Variants in BICC1 observed in about 807,000 individuals in gnomAD.
The protein encoded by BICC1 is BicC family RNA binding protein 1.
Under a neutral mutation model 111.0 loss-of-function variants are expected in BICC1, and 43 were observed. The ratio of observed to expected loss-of-function variants is 0.39; its 90% CI spans 0.30 to 0.50. The LOEUF (loss-of-function observed/expected upper bound fraction) is 0.50. BICC1 is among the 20% of genes least tolerant of loss of function. The pLI is 0.88. For missense variants in BICC1, 1,091 were observed against 1,203.2 expected (o/e 0.91, Z 1.38); for synonymous variants, 467 against 434.4 (o/e 1.07, Z -0.93).
At chr10:58,697,142 G>A (rs956978431) in intron 2 of BICC1, among the ~76,000 whole-genome samples, 3 of 152,178 alleles carry the variant, frequency 2.0e-5, no homozygotes, top group Non-Finnish European at 4.4e-5. Context: ...AGAATGATCC[G>A]CTTAATTGAA....
intron 2 of BICC1, among the ~76,000 whole-genome samples, chr10:58,655,848 A>G (rs1588979425): frequency 6.7e-6 from 1 of 149,152 alleles, no homozygotes; most frequent in Non-Finnish European, 1.5e-5. Context: ...ATTATTTTGA[A>G]ATATGTCCCA....
chr10:58,512,865 C>G (rs1478725336), upstream of BICC1, among the ~76,000 whole-genome samples: 1 of 148,030 alleles, frequency 6.8e-6, no homozygotes, highest in Non-Finnish European at 1.5e-5. Flanking sequence ...GGCAGCGCGG[C>G]GCGCTCATTC....
chr10:58,790,935 G>A (rs1305255208), intron 8 of BICC1, among the ~76,000 whole-genome samples: 1 of 152,232 alleles, frequency 6.6e-6, no homozygotes, highest in East Asian at 1.9e-4. Flanking sequence ...CTCTCATTCA[G>A]TGCTTGACCT....
At chr10:58,555,454 A>G (rs757274768) in intron 1 of BICC1, among the ~76,000 whole-genome samples, 6 of 151,958 alleles carry the variant, frequency 3.9e-5, no homozygotes, top group Non-Finnish European at 7.4e-5. Flanking sequence ...AAAAACATCA[A>G]TATAAATAGG....
At chr10:58,815,685 C>T (rs1844064997) in intron 18 of BICC1, among the ~76,000 whole-genome samples, 2 of 150,490 alleles carry the variant, frequency 1.3e-5, no homozygotes, top group Admixed American at 6.6e-5. Flanking sequence ...ATAGAAACTA[C>T]AAGTAGTTAA....
intron 1 of BICC1, among the ~76,000 whole-genome samples, chr10:58,608,265 A>G (rs1260801175): frequency 1.3e-5 from 2 of 152,128 alleles, no homozygotes; most frequent in Non-Finnish European, 2.9e-5. Flanking sequence ...CTGTGTGAAG[A>G]GTGGGACCTC....
chr10:58,610,792 G>C (rs553173177), intron 1 of BICC1, among the ~76,000 whole-genome samples: 2 of 152,192 alleles, frequency 1.3e-5, no homozygotes, highest in African/African-American at 4.8e-5. Flanking sequence ...TTTGGAGGGT[G>C]TCTATTTCTG....
At chr10:58,645,756 T>C (rs1335297628) in intron 2 of BICC1, among the ~76,000 whole-genome samples, 1 of 152,218 alleles carries the variant, frequency 6.6e-6, no homozygotes, top group Non-Finnish European at 1.5e-5. Context: ...GAAGGCACAT[T>C]GTCCAAGATT....
intron 1 of BICC1, among the ~76,000 whole-genome samples, chr10:58,550,721 T>C (rs1843274024): frequency 6.6e-6 from 1 of 152,186 alleles, no homozygotes; most frequent in Non-Finnish European, 1.5e-5. Context: ...ATCGCCTTTC[T>C]GTGTTTTTCA....
At chr10:58,535,335 CA>C (rs1163847887) in intron 1 of BICC1, among the ~76,000 whole-genome samples, 1 of 151,696 alleles carries the variant, frequency 6.6e-6, no homozygotes, top group Non-Finnish European at 1.5e-5. Flanking sequence ...AACAGCGAGA[CA>C]AAAGCATCAG....
intron 2 of BICC1, among the ~76,000 whole-genome samples, chr10:58,646,921 C>T (rs979143302): frequency 1.3e-5 from 2 of 151,892 alleles, no homozygotes; most frequent in African/African-American, 4.8e-5. Flanking sequence ...TTCTTTCTCT[C>T]TTTCTTTCCT....
intron 2 of BICC1, among the ~76,000 whole-genome samples, chr10:58,652,078 G>A (rs895794453): frequency 5.9e-5 from 9 of 152,096 alleles, no homozygotes; most frequent in Non-Finnish European, 2.9e-5. Flanking sequence ...GGAGTTGGAG[G>A]CATTGATACT....
At chr10:58,689,308 G>T (rs867112500) in intron 2 of BICC1, among the ~76,000 whole-genome samples, 39 of 152,276 alleles carry the variant, frequency 2.6e-4, no homozygotes, top group Non-Finnish European at 8.8e-5. Flanking sequence ...ATTCTCAAAA[G>T]CTTCCATGAG....
intron 1 of BICC1, among the ~76,000 whole-genome samples, chr10:58,581,925 T>G (rs1844293422): frequency 6.6e-6 from 1 of 152,108 alleles, no homozygotes; most frequent in Admixed American, 6.6e-5. Context: ...CATGTTACGA[T>G]AACGGATTTT....
At chr10:58,522,785 A>G (rs548260935) in intron 1 of BICC1, among the ~76,000 whole-genome samples, 81 of 152,250 alleles carry the variant, frequency 5.3e-4, no homozygotes, top group African/African-American at 1.9e-3. Flanking sequence ...TGAAAAGACC[A>G]ACAAAATGGA....
chr10:58,822,598 A>G (rs941401288), intron 20 of BICC1, among the ~76,000 whole-genome samples: 2 of 152,156 alleles, frequency 1.3e-5, no homozygotes, highest in African/African-American at 4.8e-5. Context: ...AAAATACTTT[A>G]TGGCTGCTCT....
chr10:58,716,097 G>A, intron 3 of BICC1: 2 of 1,493,176 alleles, frequency 1.3e-6, no homozygotes, highest in Non-Finnish European at 1.8e-6. Context: ...AAAAGAGAAA[G>A]ATGTATTCTG....
At chr10:58,673,927 A>C (rs1209747466) in intron 2 of BICC1, among the ~76,000 whole-genome samples, 1 of 150,730 alleles carries the variant, frequency 6.6e-6, no homozygotes, top group African/African-American at 2.4e-5. Flanking sequence ...CACCATGCCC[A>C]GCCTATTTTT....
At chr10:58,553,887 A>G (rs2131924359) in intron 1 of BICC1, among the ~76,000 whole-genome samples, 1 of 152,090 alleles carries the variant, frequency 6.6e-6, no homozygotes, top group African/African-American at 2.4e-5. Context: ...TCTGGATGGG[A>G]AAGAGTTCAC....
Sources: allele counts gnomAD v4.1 joint callset (sites outside exome capture counted in the v4.1 genomes callset), GRCh38; gene constraint gnomAD v4.1.1; transcripts MANE v1.5; gene names NCBI Gene and HGNC (gene_info 2026-07-23, HGNC 2026-07-21).